The following APBA3 variants were observed in gnomAD, a reference collection of about 807,000 sequenced individuals.
APBA3 encodes the protein amyloid beta precursor protein binding family A member 3.
A neutral mutation model predicts 55.9 loss-of-function variants in APBA3; 45 were observed. That is an observed-to-expected ratio of 0.80 (90% CI 0.63 to 1.03). APBA3 has a LOEUF of 1.03. APBA3 is among the 50% of genes least tolerant of loss of function. The pLI is 0.00. For missense variants in APBA3, 865 were observed against 820.3 expected (o/e 1.05, Z -0.67); for synonymous variants, 370 against 353.3 (o/e 1.05, Z -0.53).
In APBA3 at chr19:3,751,482, G is replaced by A. The variant is rs749628849; in HGVS notation, c.1467C>T (p.His489=). The change falls in exon 9 of 11, where the codon CAC becomes CAT. Residue 489 remains histidine, a synonymous_variant. Coordinates refer to ENST00000316757, the MANE Select transcript of APBA3 (RefSeq NM_004886.4). ...HCPPVTTAII[H]RPHAREQLGF... ...CCAGCTGCTCGCGGGCGTGGGGCCGGTGGATGATGGCGGTGGTGACGGGAG... is the reference window on the plus strand; with the variant it reads ...CCAGCTGCTCGCGGGCGTGGGGCCGATGGATGATGGCGGTGGTGACGGGAG... 2 of 1,572,630 alleles carry A rather than the reference G, an allele frequency of 1.3e-6. No individual in the cohort carries two copies. Among genetic ancestry groups the A allele is most frequent in the African/African-American group, 1.4e-5 (1 of 73,872 alleles).
At chr19:3,755,377 T>A (rs1262363383) in intron 3 of APBA3, 1 of 152,180 alleles carries the variant, frequency 6.6e-6, no homozygotes, top group African/African-American at 2.4e-5. Flanking sequence ...CTTCAGTAGT[T>A]CACACCTTTG....
intron 1 of APBA3, among the ~76,000 whole-genome samples, chr19:3,761,256 C>G (rs1289759231): frequency 6.6e-6 from 1 of 152,156 alleles, no homozygotes; most frequent in African/African-American, 2.4e-5. Flanking sequence ...TGGTCAGAGG[C>G]AGTTCCCCAA....
In APBA3 at chr19:3,752,987, G is replaced by A; in HGVS notation, c.1015C>T (p.Gln339Ter). Residue 339 changes from glutamine (Q) to a stop codon, truncating the protein, a stop_gained, in exon 7 of 11, where the codon CAG becomes TAG. Transcript: ENST00000316757. LOFTEE classifies it high-confidence loss of function. ...TGGCCAATGGCCTGGGCGATGAGCT[G>A]GGCCTGCGGGGAGGAGTGGCGCGTC... ...LCHVFYAEDAQLIAQAIGQAF... is the reference protein window; with the variant it reads ...LCHVFYAEDA 1 of 1,611,172 alleles carries A rather than the reference G, an allele frequency of 6.2e-7. No homozygotes were observed. Among genetic ancestry groups the A allele is most frequent in the Non-Finnish European group, 8.5e-7 (1 of 1,179,816 alleles).
chr19:3,751,576 C>T, intron 8 of APBA3, 23 bp from the exon 9 acceptor site: 1 of 1,570,184 alleles, frequency 6.4e-7, no homozygotes, highest in Non-Finnish European at 8.6e-7. Context: ...GGCCGTTGGC[C>T]TCACTCAGCT....
Position 3,750,960 on chromosome 19 carries a change from C to G in APBA3, c.*66G>C, listed in dbSNP as rs994837905. The G allele has an allele frequency of 2.0e-6, 3 of 1,494,158 alleles. No individual in the cohort carries two copies. The African/African-American group carries it at 4.2e-5, about 21-fold the overall frequency. The allele number at this position is 1,494,158 out of a possible 1,614,324, so 92.6% of individuals were successfully genotyped here. A position where few individuals can be genotyped will look rare whatever the true frequency, so the allele number is the denominator to read the frequency against. On this transcript the variant is annotated 3_prime_UTR_variant, in exon 11 of 11. Transcript: ENST00000316757. ...CCGCTGGGGTCCTGGCCAGCCAGGG[C>G]AGGCCCAGGATGGGGCTCCGGGGCC...
chr19:3,760,038 G>C lies in APBA3; in HGVS notation c.227C>G (p.Pro76Arg). ...ALPGDLVGPS[P>R]GGAPCPLHIA... ...GTGTAGGGGACAGGGGGCTCCACCT[G>C]GGGATGGGCCCACCAGATCGCCTGG... The change falls in exon 2 of 11, where the codon CCA (proline) becomes CGA (arginine). Residue 76 changes from proline to arginine, a missense_variant. By Grantham distance (103) the Pro-to-Arg change is moderately radical. Transcript: ENST00000316757. The C allele has an allele frequency of 1.2e-6, 2 of 1,613,220 alleles. No individual in the cohort carries two copies. Among genetic ancestry groups the C allele is most frequent in the Non-Finnish European group, 1.7e-6 (2 of 1,179,998 alleles).
chr19:3,758,739 G>A (rs916610859), intron 3 of APBA3, among the ~76,000 whole-genome samples: 24 of 151,940 alleles, frequency 1.6e-4, no homozygotes, highest in Admixed American at 1.1e-3. Flanking sequence ...TTAGCTGGGC[G>A]TGGTGGCGAG....
Position 3,760,757 on chromosome 19 carries a change from A to AC in APBA3, c.-37-457_-37-456insG, listed in dbSNP as rs1278515227. Among the ~76,000 whole-genome samples, 7 of 151,198 alleles carry AC rather than the reference A, an allele frequency of 4.6e-5. No homozygotes were observed. In the South Asian group the frequency reaches 8.4e-4, roughly 18 times the overall value. On this transcript the variant is annotated intron_variant, in intron 1 of 10. Coordinates refer to ENST00000316757, the MANE Select transcript of APBA3 (RefSeq NM_004886.4). ...GACGAGACTATCTCCAAAAAAAAAA[A>AC]AAAAAACTAGCTAGGGGTGGTGGTG...
chr19:3,753,333 C>A (rs540099838), intron 6 of APBA3: 4 of 412,858 alleles, frequency 9.7e-6, no homozygotes, highest in African/African-American at 2.0e-5. Flanking sequence ...TTCGGGGAGT[C>A]GGCCGAGAGT....
In APBA3 at chr19:3,752,775, G is replaced by A. The variant is rs780417823; in HGVS notation, c.1182+45C>T. On this transcript the variant is annotated intron_variant, in intron 7 of 10. Transcript: ENST00000316757. ...TCAGCAGGGCCCGGTGCAGGTGCAC[G>A]GGTGTGGGGGGCACCAGGTGGGGGC... is the stretch of plus-strand genomic sequence containing the variant. The A allele has an allele frequency of 1.6e-5, 26 of 1,609,150 alleles. No individual in the cohort carries two copies. The South Asian group carries it at 2.6e-4, about 16-fold the overall frequency.
rs1310034365 is a variant in APBA3, at chr19:3,753,856, A to T, written c.920T>A (p.Met307Lys). The T allele has an allele frequency of 1.3e-6, 2 of 1,568,354 alleles. No individual in the cohort carries two copies. Among genetic ancestry groups the T allele is most frequent in the Admixed American group, 1.9e-5 (1 of 52,244 alleles). The change falls in exon 6 of 11, where the codon ATG becomes AAG. Residue 307 changes from methionine (M) to lysine (K), a missense_variant. By Grantham distance (95) the Met-to-Lys change is moderately conservative (BLOSUM62 -1). Coordinates refer to ENST00000316757, the MANE Select transcript of APBA3 (RefSeq NM_004886.4). ...CCTCCGTGCCAGCCGCCGCCGCGCC[A>T]TCAGCACCAGCACGCAGCCGATGTC... ...TADIGCVLVL[M>K]ARRRLARRPA...
intron 1 of APBA3, among the ~76,000 whole-genome samples, chr19:3,760,659 G>C (rs1481742424): frequency 6.6e-6 from 1 of 150,988 alleles, no homozygotes; most frequent in African/African-American, 2.4e-5. Flanking sequence ...TGAGGCAGGA[G>C]AATCGCCTGA....
At chr19:3,756,972 A>T (rs1231804922) in intron 3 of APBA3, among the ~76,000 whole-genome samples, 1 of 152,182 alleles carries the variant, frequency 6.6e-6, no homozygotes, top group African/African-American at 2.4e-5. Flanking sequence ...GAGCATTCTC[A>T]TCAGCCCAGA....
chr19:3,752,511 G>T lies in APBA3; in HGVS notation c.1392C>A (p.Val464=). Residue 464 remains valine, a synonymous_variant, in exon 8 of 11, where the codon GTC becomes GTA. Coordinates refer to ENST00000316757, the MANE Select transcript of APBA3 (RefSeq NM_004886.4). ...CCTGCCACACCAGGAAACTCACGCG[G>T]ACAGCGGCCTGGCACGCAGCCAGGG... ...GLPLAACQAA[V]RETKSQTSVT... The T allele has an allele frequency of 6.4e-7, 1 of 1,572,528 alleles. No individual in the cohort carries two copies.
intron 1 of APBA3, among the ~76,000 whole-genome samples, chr19:3,760,764 C>G (rs1281143362): frequency 9.5e-6 from 1 of 105,626 alleles, no homozygotes; most frequent in East Asian, 2.8e-4. Flanking sequence ...AAAAAAAAAA[C>G]TAGCTAGGGG....
In APBA3 at chr19:3,751,102, G is replaced by A; in HGVS notation, c.1657-5C>T. 1 of 1,567,056 alleles carries A rather than the reference G, an allele frequency of 6.4e-7. No homozygotes were observed. The highest frequency in any genetic ancestry group is 1.2e-5 in the South Asian group (1 of 85,382). ...TGGCATCGTCTTGATATGCACCTGG[G>A]GAGTGGAGGCGGAACGGGGCTCAGG... On this transcript the variant is annotated splice_region_variant and splice_polypyrimidine_tract_variant and intron_variant, in intron 10 of 10. Coordinates refer to ENST00000316757, the MANE Select transcript of APBA3 (RefSeq NM_004886.4).
Position 3,752,887 on chromosome 19 carries a change from C to T in APBA3, c.1115G>A (p.Ser372Asn), listed in dbSNP as rs2145717864. 6.2e-7 allele frequency: 1 copy of T among 1,613,286 alleles called. No individual in the cohort carries two copies. Among genetic ancestry groups the T allele is most frequent in the East Asian group, 2.2e-5 (1 of 44,832 alleles). Reference protein sequence around the residue: ...IDPSQVGVHPSPGACHLHNGD... With the variant: ...IDPSQVGVHPNPGACHLHNGD... ...ATTATGGAGGTGGCAGGCGCCTGGG[C>T]TCGGGTGCACGCCCACCTGGCTGGG... Residue 372 changes from serine (S) to asparagine (N), a missense_variant, in exon 7 of 11, where the codon AGC (serine) becomes AAC (asparagine). Physicochemically the swap from Ser to Asn is conservative, Grantham distance 46. Coordinates refer to ENST00000316757, the MANE Select transcript of APBA3 (RefSeq NM_004886.4).
chr19:3,751,814 T>C (rs989416488), intron 8 of APBA3: 1 of 510,700 alleles, frequency 2.0e-6, no homozygotes, highest in Non-Finnish European at 3.4e-6. Context: ...GCTGCAAACA[T>C]CTGTAAGAGG....
In APBA3 at chr19:3,754,354, C is replaced by G. The variant is rs373034942; in HGVS notation, c.617-14G>C. 36 of 1,552,368 alleles carry G rather than the reference C, an allele frequency of 2.3e-5. No individual in the cohort carries two copies. Among genetic ancestry groups the G allele is most frequent in the Non-Finnish European group, 2.9e-5 (33 of 1,152,094 alleles). On this transcript the variant is annotated splice_polypyrimidine_tract_variant and intron_variant, in intron 3 of 10. Coordinates refer to ENST00000316757, the MANE Select transcript of APBA3 (RefSeq NM_004886.4). The stretch of plus-strand genomic sequence containing the variant: ...AGGGACCAGGCACTGAGGGCGACAG[C>G]GAAGAGGGTCGGCCCCCAGGGGCCC...
Sources: gnomAD v4.1 joint callset for allele counts (sites outside exome capture counted in the v4.1 genomes callset) on GRCh38, gnomAD v4.1.1 for gene constraint, MANE v1.5 for transcripts, NCBI Gene and HGNC (gene_info 2026-07-23, HGNC 2026-07-21) for gene names.